METTL24: variants seen among roughly 807,000 people sequenced by gnomAD.
The protein encoded by METTL24 is methyltransferase like 24, also known as probable methyltransferase-like protein 24.
Under a neutral mutation model 32.7 loss-of-function variants are expected in METTL24, and 29 were observed. That is an observed-to-expected ratio of 0.89 (90% CI 0.66 to 1.21). The LOEUF (loss-of-function observed/expected upper bound fraction) is 1.21, where lower values mean the gene tolerates loss of function less well. Among genes scored for constraint, METTL24 ranks in the 50% most tolerant of loss-of-function variants. The probability of loss-of-function intolerance (pLI) is 0.00; values close to 1 mark genes in which losing one functional copy is unlikely to be tolerated. For synonymous variants in METTL24, 163 were observed against 179.5 expected, an observed-to-expected ratio of 0.91 and a Z score of 0.73; for missense variants, 439 against 468.1, an observed-to-expected ratio of 0.94 and a Z score of 0.57.
chr6:110,259,646 C>A (rs1778453100), intron 4 of METTL24, among the ~76,000 whole-genome samples: 1 of 152,214 alleles, frequency 6.6e-6, no homozygotes, highest in South Asian at 2.1e-4. Context: ...AGCTTGAGAT[C>A]TGAGAACGGA....
At chr6:110,344,256 T>C (rs938649320) in intron 1 of METTL24, among the ~76,000 whole-genome samples, 1 of 152,116 alleles carries the variant, frequency 6.6e-6, no homozygotes, top group Non-Finnish European at 1.5e-5. Flanking sequence ...CTCAGTGCCC[T>C]ATGGAAGTCA....
chr6:110,279,527 T>C (rs146670036), intron 4 of METTL24, among the ~76,000 whole-genome samples: 44 of 152,298 alleles, frequency 2.9e-4, no homozygotes, highest in African/African-American at 1.0e-3. Flanking sequence ...AAACTGGAGA[T>C]AATCTATATA....
intron 1 of METTL24, among the ~76,000 whole-genome samples, chr6:110,336,050 G>A (rs1180293435): frequency 6.6e-6 from 1 of 152,186 alleles, no homozygotes; most frequent in African/African-American, 2.4e-5. Context: ...CAGTGCAACA[G>A]GTAAGAAATC....
At chr6:110,302,456 C>A (rs1454826935) in intron 3 of METTL24, among the ~76,000 whole-genome samples, 4 of 134,908 alleles carry the variant, frequency 3.0e-5, no homozygotes, top group Non-Finnish European at 4.7e-5. Flanking sequence ...TACACATATA[C>A]ACACATATGT....
At chr6:110,284,132 G>T (rs1400099097) in intron 4 of METTL24, among the ~76,000 whole-genome samples, 6 of 152,166 alleles carry the variant, frequency 3.9e-5, no homozygotes, top group Non-Finnish European at 8.8e-5. Context: ...AATAATGTGT[G>T]ATTCCACTTA....
At chr6:110,284,409 T>G (rs1771185030) in intron 4 of METTL24, among the ~76,000 whole-genome samples, 1 of 152,186 alleles carries the variant, frequency 6.6e-6, no homozygotes, top group Non-Finnish European at 1.5e-5. Flanking sequence ...AGAGACTTCT[T>G]TATCCTTCCA....
chr6:110,266,216 A>T (rs1387824726), intron 4 of METTL24, among the ~76,000 whole-genome samples: 1 of 151,984 alleles, frequency 6.6e-6, no homozygotes, highest in East Asian at 1.9e-4. Flanking sequence ...GAAAAAAAAA[A>T]TGCTTCTATT....
chr6:110,324,581 G>T (rs2114756222), intron 1 of METTL24, among the ~76,000 whole-genome samples: 2 of 152,246 alleles, frequency 1.3e-5, no homozygotes, highest in Admixed American at 1.3e-4. Context: ...TGAACAAAAG[G>T]CCCTGCATTT....
intron 3 of METTL24, among the ~76,000 whole-genome samples, chr6:110,310,979 C>T (rs1771710581): frequency 6.6e-6 from 1 of 152,204 alleles, no homozygotes; most frequent in Non-Finnish European, 1.5e-5. Context: ...CTTGTTGCTG[C>T]TGTGGCCCTG....
intron 3 of METTL24, among the ~76,000 whole-genome samples, chr6:110,302,624 TAC>T (rs1460585169): frequency 5.3e-5 from 6 of 113,820 alleles, no homozygotes; most frequent in African/African-American, 1.6e-4. Context: ...TGTATATATA[TAC>T]ACATATACAC....
intron 4 of METTL24, among the ~76,000 whole-genome samples, chr6:110,288,685 C>G (rs961828607): frequency 6.6e-6 from 1 of 152,062 alleles, no homozygotes; most frequent in Non-Finnish European, 1.5e-5. Context: ...AAGGACACAG[C>G]AGAGCTCAAA....
chr6:110,261,044 A>G (rs1404056495), intron 4 of METTL24, among the ~76,000 whole-genome samples: 2 of 152,244 alleles, frequency 1.3e-5, no homozygotes, highest in Non-Finnish European at 2.9e-5. Flanking sequence ...AAGGCTAGGA[A>G]GAAACTGCAT....
chr6:110,249,033 C>G (rs1397071179), intron 4 of METTL24, among the ~76,000 whole-genome samples: 1 of 151,982 alleles, frequency 6.6e-6, no homozygotes, highest in African/African-American at 2.4e-5. Flanking sequence ...CTTACAGATT[C>G]ATGTTCACCA....
At chr6:110,335,400 T>C (rs1487527956) in intron 1 of METTL24, among the ~76,000 whole-genome samples, 3 of 152,278 alleles carry the variant, frequency 2.0e-5, no homozygotes, top group Non-Finnish European at 4.4e-5. Context: ...ATCTCGAATA[T>C]ATTTCTTAAT....
At chr6:110,316,137 G>A (rs935696243) in intron 2 of METTL24, among the ~76,000 whole-genome samples, 2 of 152,128 alleles carry the variant, frequency 1.3e-5, no homozygotes, top group Non-Finnish European at 1.5e-5. Context: ...GCTCTAATGC[G>A]CTTCCTCCTG....
At position 110,246,056 on chromosome 6, in the gene METTL24, G is replaced by A; in HGVS notation, c.991C>T (p.Leu331Phe). ...GATAAGTCTTTGTAACTGTGAAAAAGCCTGAAATCCTTTTGTTCTAACTCT... is the reference window on the plus strand; with the variant it reads ...GATAAGTCTTTGTAACTGTGAAAAAACCTGAAATCCTTTTGTTCTAACTCT... ...LKELEQKDFR[L>F]FHSYKDLSKP... is the part of the protein sequence containing the mutation. Residue 331 changes from leucine to phenylalanine, a missense_variant, in exon 5 of 5, where the codon CTT (leucine) becomes TTT (phenylalanine). Physicochemically the swap from Leu to Phe is conservative, Grantham distance 22. Coordinates refer to ENST00000338882, the MANE Select transcript of METTL24 (RefSeq NM_001123364.3). 6.2e-7 allele frequency: 1 copy of A among 1,614,164 alleles called. No homozygotes were observed. Among genetic ancestry groups the A allele is most frequent in the Non-Finnish European group, 8.5e-7 (1 of 1,180,034 alleles).
At position 110,255,281 on chromosome 6, in the gene METTL24, T is replaced by G. The variant is rs191899316; in HGVS notation, c.787-9021A>C. On this transcript the variant is annotated intron_variant, in intron 4 of 4. Coordinates refer to ENST00000338882, the MANE Select transcript of METTL24 (RefSeq NM_001123364.3). ...CATTTACAAGCAAAGGCTCTTTTTT[T>G]CTGGCCAGATATGGAGCTTGATGAA... Among the ~76,000 whole-genome samples, 3 of 152,314 alleles carry G rather than the reference T, an allele frequency of 2.0e-5. No individual in the cohort carries two copies. The East Asian group carries it at 5.8e-4, about 29-fold the overall frequency.
chr6:110,279,262 A>G (rs1771097894), intron 4 of METTL24, among the ~76,000 whole-genome samples: 1 of 152,224 alleles, frequency 6.6e-6, no homozygotes, highest in South Asian at 2.1e-4. Context: ...TTTGGTATAA[A>G]TAGATACATG....
At chr6:110,288,145 A>G (rs527468805) in intron 4 of METTL24, among the ~76,000 whole-genome samples, 71 of 152,294 alleles carry the variant, frequency 4.7e-4, no homozygotes, top group African/African-American at 1.7e-3. Flanking sequence ...TGTGCTCTGC[A>G]GGGACTGCGT....
Sources: gnomAD v4.1 joint callset for allele counts (sites outside exome capture counted in the v4.1 genomes callset) on GRCh38, gnomAD v4.1.1 for gene constraint, MANE v1.5 for transcripts, NCBI Gene and HGNC (gene_info 2026-07-23, HGNC 2026-07-21) for gene names.